Variants in ZBTB44 observed in about 807,000 individuals in gnomAD.
ZBTB44 encodes zinc finger and BTB domain containing 44.
Under a neutral mutation model 54.0 loss-of-function variants are expected in ZBTB44, and 15 were observed. The observed-to-expected ratio is 0.28, with a 90% confidence interval of 0.19 to 0.43. The LOEUF (loss-of-function observed/expected upper bound fraction) is 0.43. Ranked by LOEUF, ZBTB44 falls within the 20% of genes least tolerant of loss-of-function variation. The pLI is 1.00. For synonymous variants in ZBTB44, 230 were observed against 250.1 expected, an observed-to-expected ratio of 0.92 and a Z score of 0.76; for missense variants, 487 against 707.1, an observed-to-expected ratio of 0.69 and a Z score of 3.53.
At chr11:130,269,877 A>G (rs1451550388) in intron 1 of ZBTB44, among the ~76,000 whole-genome samples, 1 of 152,236 alleles carries the variant, frequency 6.6e-6, no homozygotes, top group African/African-American at 2.4e-5. Flanking sequence ...CCTGGCATAA[A>G]GCAAGCATTC....
At chr11:130,244,673 AAAAAAAAAAAAAAG>A (rs1014492503) in intron 2 of ZBTB44, among the ~76,000 whole-genome samples, 4 of 136,052 alleles carry the variant, frequency 2.9e-5, no homozygotes, top group Admixed American at 2.9e-4. Flanking sequence ...TCTGGAAAAA[AAAAAAAAAAAAAAG>A]AAAGAAAATG....
chr11:130,254,880 A>G (rs1023804484), intron 2 of ZBTB44, among the ~76,000 whole-genome samples: 15 of 152,160 alleles, frequency 9.9e-5, no homozygotes, highest in Non-Finnish European at 1.5e-4. Context: ...TACACCATGG[A>G]ATACCATGCA....
At chr11:130,294,738 C>T (rs992613527) in intron 1 of ZBTB44, among the ~76,000 whole-genome samples, 15 of 151,952 alleles carry the variant, frequency 9.9e-5, no homozygotes, top group East Asian at 5.8e-4. Flanking sequence ...AATAATGGAA[C>T]GGTAGGCAAA....
rs554655343 is a variant in ZBTB44 at position 130,227,686 on chromosome 11, C to A, written c.*4078G>T. ...TACTCCAGTTTTTAAATGGAGCCAG[C>A]TTTATGTTAGCCCTGTAAAATATTG... is the stretch of plus-strand genomic sequence containing the variant. On this transcript the variant is annotated 3_prime_UTR_variant, in exon 8 of 8. Coordinates refer to ENST00000357899, the MANE Select transcript of ZBTB44 (RefSeq NM_001301098.2). 1 of 152,280 alleles carries A rather than the reference C, an allele frequency of 6.6e-6. No homozygotes were observed. The highest frequency in any genetic ancestry group is 2.1e-4 in the South Asian group (1 of 4,822). 9.4% of individuals were successfully genotyped at this position (152,280 alleles called of 1,614,324 possible). A position where few individuals can be genotyped will look rare whatever the true frequency, so the allele number is the denominator to read the frequency against.
rs192347403 is a variant in ZBTB44 at position 130,276,943 on chromosome 11, C to T, written c.-56-15014G>A. Among the ~76,000 whole-genome samples, 434 of 152,240 alleles carry T rather than the reference C, an allele frequency of 2.9e-3. 1 individual carries two copies. The highest frequency in any genetic ancestry group is 4.4e-3 in the Non-Finnish European group (300 of 68,004). On this transcript the variant is annotated intron_variant, in intron 1 of 7. Coordinates refer to ENST00000357899, the MANE Select transcript of ZBTB44 (RefSeq NM_001301098.2). ...TGTTATAAAGTCTATTTGCTGGATA[C>T]GAGTAAAACCACTCTCGCTTTCTGG...
chr11:130,313,993 C>T (rs1292703220), intron 1 of ZBTB44, among the ~76,000 whole-genome samples: 2 of 151,222 alleles, frequency 1.3e-5, no homozygotes, highest in Admixed American at 6.6e-5. Flanking sequence ...CCATCTTTTT[C>T]TTTCTGTACC....
chr11:130,238,209 A>C (rs1349811330), intron 4 of ZBTB44, among the ~76,000 whole-genome samples: 1 of 152,190 alleles, frequency 6.6e-6, no homozygotes, highest in East Asian at 1.9e-4. Context: ...TTTTATTTAC[A>C]AAGTACTCAC....
chr11:130,304,862 A>G (rs1199662605), intron 1 of ZBTB44, among the ~76,000 whole-genome samples: 4 of 152,158 alleles, frequency 2.6e-5, no homozygotes, highest in Non-Finnish European at 5.9e-5. Flanking sequence ...AACCCTCAAG[A>G]TTCATTTGAA....
intron 1 of ZBTB44, among the ~76,000 whole-genome samples, chr11:130,308,189 A>T (rs1037337754): frequency 1.3e-5 from 2 of 152,206 alleles, no homozygotes; most frequent in Non-Finnish European, 2.9e-5. Flanking sequence ...CTAGATGTAG[A>T]GTAGGCCATA....
intron 1 of ZBTB44, among the ~76,000 whole-genome samples, chr11:130,292,504 C>T (rs1343187641): frequency 2.0e-5 from 3 of 151,524 alleles, no homozygotes; most frequent in African/African-American, 7.3e-5. Context: ...GCAACAAGAT[C>T]ATAAGAAAAA....
intron 1 of ZBTB44, among the ~76,000 whole-genome samples, chr11:130,287,874 A>G (rs970091860): frequency 2.0e-5 from 3 of 152,034 alleles, no homozygotes; most frequent in African/African-American, 7.2e-5. Flanking sequence ...CGTATTATAA[A>G]TTAAAACTTA....
Position 130,261,052 on chromosome 11 carries a change from G to A in ZBTB44, c.822C>T (p.Ser274=). The A allele has an allele frequency of 6.2e-7, 1 of 1,613,980 alleles. No homozygotes were observed. The highest frequency in any genetic ancestry group is 2.2e-5 in the East Asian group (1 of 44,878). ...RRMADYVTCE[S]TKTTLPLGTE... ...TACCTAAAGGCAAGGTAGTTTTTGT[G>A]CTCTCACAAGTCACATAATCAGCCA... Residue 274 remains serine (S), a synonymous_variant, in exon 2 of 8, where the codon AGC becomes AGT. Transcript: ENST00000357899. The surrounding 1 kb of genome is among the most constrained non-coding windows in gnomAD (Gnocchi z 4.8).
At chr11:130,238,789 TTTTG>T (rs747053638) in intron 3 of ZBTB44, 182 bp from the exon 4 acceptor site, 20 of 662,438 alleles carry the variant, frequency 3.0e-5, no homozygotes, top group African/African-American at 3.8e-5. Flanking sequence ...CCAGAATGCC[TTTTG>T]TTTTTTTTTT....
intron 1 of ZBTB44, among the ~76,000 whole-genome samples, chr11:130,300,199 A>G (rs754875760): frequency 6.6e-6 from 1 of 152,186 alleles, no homozygotes; most frequent in Non-Finnish European, 1.5e-5. Flanking sequence ...GCACAGTTAC[A>G]CTTCTGAAAG....
At chr11:130,233,143 T>A in intron 7 of ZBTB44, 165 bp downstream of exon 7, 1 of 707,254 alleles carries the variant, frequency 1.4e-6, no homozygotes, top group Non-Finnish European at 2.2e-6. Context: ...TTTTACTTTA[T>A]ATGGCAGCAC....
At chr11:130,235,238 A>G (rs911184691) in intron 5 of ZBTB44, among the ~76,000 whole-genome samples, 1 of 152,190 alleles carries the variant, frequency 6.6e-6, no homozygotes, top group Non-Finnish European at 1.5e-5. Flanking sequence ...GCCCTATGTT[A>G]TATTTTCTAA....
At position 130,234,199 on chromosome 11, in the gene ZBTB44, C is replaced by T; in HGVS notation, c.1643G>A (p.Gly548Asp). The change falls in exon 6 of 8, where the codon GGT becomes GAT. Residue 548 changes from glycine to aspartate, a missense_variant. By Grantham distance (94) the Gly-to-Asp change is moderately conservative (BLOSUM62 -1). Around this residue, in one of 3 missense-constraint regions of ZBTB44, gnomAD observed 120 missense variants for 240.3 expected, o/e 0.50. Coordinates refer to ENST00000357899, the MANE Select transcript of ZBTB44 (RefSeq NM_001301098.2). ...TLVQYDLGEH[G>D]FESNSSVQMP... ...TTGAACAGAGGAGTTGCTTTCAAAA[C>T]CGTGTTCTCCAAGATCATATTGAAC... is the stretch of plus-strand genomic sequence containing the variant. The T allele has an allele frequency of 6.6e-7, 1 of 1,526,642 alleles. No homozygotes were observed. The highest frequency in any genetic ancestry group is 8.8e-7 in the Non-Finnish European group (1 of 1,137,428). The allele number at this position is 1,526,642 out of a possible 1,614,324, so 94.6% of individuals were successfully genotyped here.
intron 1 of ZBTB44, among the ~76,000 whole-genome samples, chr11:130,271,115 TATGA>T (rs1297555326): frequency 5.9e-5 from 9 of 152,198 alleles, no homozygotes; most frequent in South Asian, 4.1e-4. Context: ...GAGTGAAATA[TATGA>T]ATGAATAAAT....
At chr11:130,313,594 C>T (rs573530759) in intron 1 of ZBTB44, among the ~76,000 whole-genome samples, 5 of 152,122 alleles carry the variant, frequency 3.3e-5, no homozygotes, top group Admixed American at 6.5e-5. Context: ...CGGTATCAGC[C>T]GATCTCCAAA....
Sources: gnomAD v4.1 joint callset for allele counts (sites outside exome capture counted in the v4.1 genomes callset) on GRCh38, gnomAD v4.1.1 for gene constraint, gnomAD v4.1.1 regional missense constraint, Gnocchi (gnomAD v3.1) non-coding constraint, MANE v1.5 for transcripts, NCBI Gene and HGNC (gene_info 2026-07-23, HGNC 2026-07-21) for gene names.